PRSS23: variants seen among roughly 807,000 people sequenced by gnomAD.
PRSS23 encodes the protein serine protease 23, also known as protease, serine 23.
Under a neutral mutation model 34.7 loss-of-function variants are expected in PRSS23, and 25 were observed. That is an observed-to-expected ratio of 0.72 (90% CI 0.53 to 1.01). The LOEUF is 1.01. PRSS23 is among the 50% of genes least tolerant of loss of function. The pLI, the probability that PRSS23 is intolerant of heterozygous loss-of-function variation, is 0.00. For synonymous variants in PRSS23, 176 were observed against 186.6 expected, an observed-to-expected ratio of 0.94 and a Z score of 0.46; for missense variants, 445 against 475.6, an observed-to-expected ratio of 0.94 and a Z score of 0.60.
chr11:86,941,989 T>G (rs1241709667), intron 2 of PRSS23, among the ~76,000 whole-genome samples: 2 of 152,186 alleles, frequency 1.3e-5, no homozygotes, highest in Non-Finnish European at 2.9e-5. Context: ...ATTTTGAAAC[T>G]TGTGCCCTGT....
At chr11:86,848,460 T>TG (rs1467370510) in intron 2 of PRSS23, among the ~76,000 whole-genome samples, 1 of 152,260 alleles carries the variant, frequency 6.6e-6, no homozygotes, top group Admixed American at 6.5e-5. Flanking sequence ...TTTGCTAACT[T>TG]GCATTTTAAA....
In PRSS23 at chr11:86,809,861, C is replaced by T. The variant is rs1188445018; in HGVS notation, c.*1066C>T. The T allele has an allele frequency of 6.0e-6, 1 of 166,976 alleles. No homozygotes were observed. The highest frequency in any genetic ancestry group is 1.5e-5 in the Non-Finnish European group (1 of 68,106). 10.3% of individuals were successfully genotyped at this position (166,976 alleles called of 1,614,324 possible). On this transcript the variant is annotated 3_prime_UTR_variant, in exon 2 of 2. Coordinates refer to ENST00000280258, the MANE Select transcript of PRSS23 (RefSeq NM_007173.6). Reference sequence around the variant, plus strand: ...TCCAGCCTGATCAAAAATTATTCTGCATAGTTTTCAGTGTGCTTTCTGGGA... The same window carrying T: ...TCCAGCCTGATCAAAAATTATTCTGTATAGTTTTCAGTGTGCTTTCTGGGA...
chr11:86,887,458 G>A (rs1347853870), intron 2 of PRSS23, among the ~76,000 whole-genome samples: 1 of 150,524 alleles, frequency 6.6e-6, no homozygotes, highest in Non-Finnish European at 1.5e-5. Flanking sequence ...AAAAAAGCCA[G>A]GACTATCTCA....
At chr11:86,820,206 T>C (rs977068161) in intron 1 of PRSS23, among the ~76,000 whole-genome samples, 42 of 152,034 alleles carry the variant, frequency 2.8e-4, no homozygotes, top group African/African-American at 1.0e-3. Context: ...ACAGGAAGAG[T>C]CAAAATTTTA....
At chr11:86,923,669 G>A (rs539451201) in intron 2 of PRSS23, among the ~76,000 whole-genome samples, 1 of 152,268 alleles carries the variant, frequency 6.6e-6, no homozygotes, top group African/African-American at 2.4e-5. Flanking sequence ...AACTGATTAA[G>A]TTGCTAGTCT....
intron 2 of PRSS23, among the ~76,000 whole-genome samples, chr11:86,926,648 A>T (rs904531963): frequency 6.6e-6 from 1 of 152,122 alleles, no homozygotes; most frequent in Non-Finnish European, 1.5e-5. Flanking sequence ...TTCTCTATGC[A>T]TCTCTTATGT....
At chr11:86,807,415 A>G (rs11824561) in intron 1 of PRSS23, among the ~76,000 whole-genome samples, 1 of 152,162 alleles carries the variant, frequency 6.6e-6, no homozygotes, top group Non-Finnish European at 1.5e-5. Flanking sequence ...GGAACACCCA[A>G]TTTCACTTCA....
At chr11:86,836,115 A>G (rs1216340525) in intron 2 of PRSS23, among the ~76,000 whole-genome samples, 7 of 152,132 alleles carry the variant, frequency 4.6e-5, no homozygotes, top group Admixed American at 3.3e-4. Flanking sequence ...CTGGTATTTG[A>G]GAAAGCAGAG....
At chr11:86,814,889 G>A (rs1279640241), downstream of PRSS23, among the ~76,000 whole-genome samples, 1 of 152,202 alleles carries the variant, frequency 6.6e-6, no homozygotes, top group Non-Finnish European at 1.5e-5. Context: ...AGTGCAGGGT[G>A]ACTCTTCACT....
At chr11:86,883,700 A>G (rs1948784995) in intron 2 of PRSS23, among the ~76,000 whole-genome samples, 1 of 152,238 alleles carries the variant, frequency 6.6e-6, no homozygotes, top group Non-Finnish European at 1.5e-5. Flanking sequence ...CTATTTTTAA[A>G]TATACGTGTT....
Position 86,857,313 on chromosome 11 carries a change from C to A in PRSS23, c.206+33720C>A, listed in dbSNP as rs536487364. The A allele has an allele frequency of 5.7e-6, 3 of 530,314 alleles. No homozygotes were observed. In the East Asian group the frequency reaches 3.2e-4, roughly 56 times the overall value. 32.9% of individuals were successfully genotyped at this position (530,314 alleles called of 1,614,324 possible). ...AGAAGGCTTTATACTTCCCATCTGACGATGGAATTCTTGGAATGGAGGAGA... is the reference window on the plus strand; with the variant it reads ...AGAAGGCTTTATACTTCCCATCTGAAGATGGAATTCTTGGAATGGAGGAGA... On this transcript the variant is annotated intron_variant, in intron 2 of 2. Transcript: ENST00000533902.
intron 2 of PRSS23, among the ~76,000 whole-genome samples, chr11:86,874,550 G>A (rs80153685): frequency 7.0e-4 from 107 of 152,240 alleles, no homozygotes; most frequent in African/African-American, 1.6e-3. Context: ...GCACAGCCCC[G>A]TGGCCACTAC....
At chr11:86,811,246 C>T (rs1435519800), downstream of PRSS23, 24 of 166,612 alleles carry the variant, frequency 1.4e-4, no homozygotes, top group Admixed American at 1.5e-3. Flanking sequence ...CTTGTTTTCT[C>T]ATATAATGCC....
At chr11:86,825,720 C>T (rs1948294777) in intron 2 of PRSS23, among the ~76,000 whole-genome samples, 1 of 151,960 alleles carries the variant, frequency 6.6e-6, no homozygotes, top group Non-Finnish European at 1.5e-5. Flanking sequence ...TTTCCCAGCA[C>T]CATTTATTAA....
intron 2 of PRSS23, among the ~76,000 whole-genome samples, chr11:86,925,571 T>A (rs562381425): frequency 2.6e-5 from 4 of 152,276 alleles, no homozygotes; most frequent in African/African-American, 9.6e-5. Flanking sequence ...AGGAAGGCCC[T>A]CCTGACCCTT....
chr11:86,801,951 A>C (rs1948044385), intron 1 of PRSS23, among the ~76,000 whole-genome samples: 1 of 152,226 alleles, frequency 6.6e-6, no homozygotes, highest in East Asian at 1.9e-4. Context: ...GCCTTTTTCC[A>C]AGGTGCCTAA....
chr11:86,793,322 A>G (rs1057060387), intron 1 of PRSS23, among the ~76,000 whole-genome samples: 1 of 152,208 alleles, frequency 6.6e-6, no homozygotes, highest in Non-Finnish European at 1.5e-5. Flanking sequence ...GAATTTGGGA[A>G]ACACATATTG....
At chr11:86,828,993 G>A (rs1156321285) in intron 2 of PRSS23, among the ~76,000 whole-genome samples, 2 of 152,160 alleles carry the variant, frequency 1.3e-5, no homozygotes, top group Non-Finnish European at 2.9e-5. Flanking sequence ...TCTTCTCGAG[G>A]AGTATCTTTG....
At chr11:86,881,479 T>C (rs187186732) in intron 2 of PRSS23, among the ~76,000 whole-genome samples, 140 of 152,228 alleles carry the variant, frequency 9.2e-4, no homozygotes, top group Non-Finnish European at 8.8e-5. Context: ...TTTTTTAAAA[T>C]ATATGGCTGA....
Sources: allele counts gnomAD v4.1 joint callset (sites outside exome capture counted in the v4.1 genomes callset), GRCh38; gene constraint gnomAD v4.1.1; transcripts MANE v1.5; gene names NCBI Gene and HGNC (gene_info 2026-07-23, HGNC 2026-07-21).